DNAH2: variants seen among roughly 807,000 people sequenced by gnomAD.
DNAH2 encodes dynein axonemal heavy chain 2.
DNAH2 carries 323 observed loss-of-function variants against 523.5 expected under a neutral mutation model. That is an observed-to-expected ratio of 0.62 (90% CI 0.56 to 0.68). The LOEUF (loss-of-function observed/expected upper bound fraction) is 0.68. Among genes scored for constraint, DNAH2 ranks in the 30% least tolerant of loss-of-function variants. DNAH2 has a pLI of 0.00. For synonymous variants in DNAH2, 2,093 were observed against 2,177.4 expected, an observed-to-expected ratio of 0.96 and a Z score of 1.08; for missense variants, 4,907 against 5,701.5, an observed-to-expected ratio of 0.86 and a Z score of 4.49.
At chr17:7,792,092 C>A (rs776136331) in intron 45 of DNAH2, 23 bp downstream of exon 45, 9 of 1,611,372 alleles carry the variant, frequency 5.6e-6, no homozygotes, top group Non-Finnish European at 7.6e-6. Context: ...CCTGGCTGTC[C>A]TATTTGCCCT....
At chr17:7,776,923 A>C (rs1406491490) in intron 32 of DNAH2, 34 bp downstream of exon 32, 1 of 1,558,478 alleles carries the variant, frequency 6.4e-7, no homozygotes, top group South Asian at 1.1e-5. Context: ...CATGCTTGTA[A>C]TCCCAGCACT....
Position 7,831,334 on chromosome 17 carries a change from G to C in DNAH2, c.12459+20G>C, listed in dbSNP as rs746462450. On this transcript the variant is annotated intron_variant, in intron 80 of 85. Coordinates refer to ENST00000572933, the MANE Select transcript of DNAH2 (RefSeq NM_020877.5). This position sits in a 1 kb window ranked among gnomAD's most constrained non-coding sequence, Gnocchi z 4.2. The stretch of plus-strand genomic sequence containing the variant: ...GAGAAGGTAAAAAGAGCCGGGCCTG[G>C]GGGAGGGAAAGTGATGAGAAGAGGG... 1.6e-5 allele frequency: 26 copies of C among 1,613,844 alleles called. No individual in the cohort carries two copies. The highest frequency in any genetic ancestry group is 2.7e-5 in the African/African-American group (2 of 74,890).
chr17:7,719,998 C>A (rs906351586), intron 2 of DNAH2, 98 bp downstream of exon 2: 7 of 1,383,560 alleles, frequency 5.1e-6, no homozygotes, highest in Admixed American at 6.1e-5. Flanking sequence ...GGCGCTGTTG[C>A]TTCTGGGCAG....
At chr17:7,742,367 G>A (rs1333117205) in intron 11 of DNAH2, among the ~76,000 whole-genome samples, 1 of 152,180 alleles carries the variant, frequency 6.6e-6, no homozygotes, top group African/African-American at 2.4e-5. Context: ...GGAGGCAGAA[G>A]TTGCAGTGAG....
intron 72 of DNAH2, among the ~76,000 whole-genome samples, chr17:7,820,383 G>A (rs1021277303): frequency 6.6e-6 from 1 of 152,120 alleles, no homozygotes; most frequent in African/African-American, 2.4e-5. Flanking sequence ...TGGTTGCTTG[G>A]CCCCTGTGGC....
chr17:7,791,072 G>GTT (rs762609522), intron 44 of DNAH2, among the ~76,000 whole-genome samples: 1 of 144,658 alleles, frequency 6.9e-6, no homozygotes, highest in Admixed American at 6.9e-5. Flanking sequence ...TATGTTTTTT[G>GTT]TTTTTTTTTT....
chr17:7,732,897 C>G (rs552199343), intron 4 of DNAH2, among the ~76,000 whole-genome samples, 190 bp from the exon 5 acceptor site: 1 of 152,318 alleles, frequency 6.6e-6, no homozygotes, highest in East Asian at 1.9e-4. Flanking sequence ...ATACTCTCTG[C>G]ATTTCCTCCC....
intron 12 of DNAH2, among the ~76,000 whole-genome samples, chr17:7,748,285 G>A (rs1029976547): frequency 6.6e-6 from 1 of 152,172 alleles, no homozygotes; most frequent in South Asian, 2.1e-4. Flanking sequence ...TTTCCTGAGA[G>A]GAGGAGACGA....
intron 44 of DNAH2, 105 bp from the exon 45 acceptor site, chr17:7,791,812 G>C (rs2076905247): frequency 3.6e-6 from 4 of 1,105,254 alleles, no homozygotes; most frequent in Non-Finnish European, 5.2e-6. Context: ...TAGAGCCAGG[G>C]AAGGAGGAAG....
chr17:7,736,004 C>T (rs1410961439), intron 7 of DNAH2, among the ~76,000 whole-genome samples: 9 of 151,928 alleles, frequency 5.9e-5, no homozygotes, highest in African/African-American at 1.2e-4. Context: ...CCACCCGCCT[C>T]GGCCTCACAA....
intron 12 of DNAH2, among the ~76,000 whole-genome samples, chr17:7,753,092 G>C (rs2075734619): frequency 6.6e-6 from 1 of 152,200 alleles, no homozygotes; most frequent in South Asian, 2.1e-4. Context: ...TTGCCTTGGA[G>C]GTAGGTGTCT....
chr17:7,802,421 G>C (rs2077248006), intron 58 of DNAH2, among the ~76,000 whole-genome samples: 1 of 152,098 alleles, frequency 6.6e-6, no homozygotes, highest in African/African-American at 2.4e-5. Context: ...AGCATCCGTG[G>C]GGGATTGGTT....
chr17:7,771,190 G>A, intron 27 of DNAH2, 140 bp from the exon 28 acceptor site: 2 of 1,312,762 alleles, frequency 1.5e-6, no homozygotes, highest in East Asian at 2.3e-5. Flanking sequence ...AGCTTTCCTT[G>A]TAGAACTTGG....
At chr17:7,801,548 A>T (rs376637663) in intron 56 of DNAH2, 30 bp from the exon 57 acceptor site, 12 of 1,613,364 alleles carry the variant, frequency 7.4e-6, no homozygotes. Flanking sequence ...CTGTGCACGG[A>T]ATTTACAGCC....
At position 7,788,256 on chromosome 17, in the gene DNAH2, A is replaced by T. The variant is rs766949625; in HGVS notation, c.6900+12A>T. On this transcript the variant is annotated intron_variant, in intron 44 of 85. Coordinates refer to ENST00000572933, the MANE Select transcript of DNAH2 (RefSeq NM_020877.5). ...CGCCAGAGAATGGGGTAAGGGGAGG[A>T]CACAGACCACGGGCAGGGGCAGGGG... The T allele has an allele frequency of 6.4e-7, 1 of 1,562,310 alleles. No homozygotes were observed. Among genetic ancestry groups the T allele is most frequent in the Non-Finnish European group, 8.7e-7 (1 of 1,151,812 alleles).
At position 7,804,334 on chromosome 17, in the gene DNAH2, T is replaced by C; in HGVS notation, c.9051T>C (p.Thr3017=). 1 of 1,613,962 alleles carries C rather than the reference T, an allele frequency of 6.2e-7. No individual in the cohort carries two copies. Among genetic ancestry groups the C allele is most frequent in the Non-Finnish European group, 8.5e-7 (1 of 1,180,004 alleles). The change falls in exon 59 of 86, where the codon ACT becomes ACC. Residue 3017 remains threonine (T), a synonymous_variant. Coordinates refer to ENST00000572933, the MANE Select transcript of DNAH2 (RefSeq NM_020877.5). ...CAGGCTTGTTCAAGATCGACGAAACTAGGGAAAAGGTGCAAGTGATGTCGT... is the reference window on the plus strand; with the variant it reads ...CAGGCTTGTTCAAGATCGACGAAACCAGGGAAAAGGTGCAAGTGATGTCGT... ...LRTGLFKIDE[T]REKVQVMSLE...
chr17:7,787,917 C>T lies in DNAH2; in HGVS notation c.6661C>T (p.Arg2221Cys), dbSNP rs745381594. 3.7e-6 allele frequency: 6 copies of T among 1,614,028 alleles called. No homozygotes were observed. The highest frequency in any genetic ancestry group is 2.2e-5 in the East Asian group (1 of 44,888). The change falls in exon 43 of 86, where the codon CGC (arginine) becomes TGC (cysteine). Residue 2221 changes from arginine to cysteine, a missense_variant. By Grantham distance (180) the Arg-to-Cys change is radical. Coordinates refer to ENST00000572933, the MANE Select transcript of DNAH2 (RefSeq NM_020877.5). ...AATGGCCTCTCCGGCCACTGTATCC[C>T]GCTGCGGGATGGTCTACACTGACTA... ...LAMASPATVS[R>C]CGMVYTDYAD...
intron 63 of DNAH2, among the ~76,000 whole-genome samples, chr17:7,815,324 A>C (rs766853124): frequency 4.6e-5 from 7 of 152,240 alleles, no homozygotes; most frequent in Non-Finnish European, 7.3e-5. Context: ...CTAGTAGTGG[A>C]ACTATTTCCA....
chr17:7,824,071 A>G (rs2077948465), intron 75 of DNAH2, 50 bp from the exon 76 acceptor site: 4 of 1,567,332 alleles, frequency 2.6e-6, no homozygotes, highest in South Asian at 1.2e-5. Context: ...TCTCTCTCCC[A>G]CTTTGGTCAT....
Sources: gnomAD v4.1 joint callset for allele counts (sites outside exome capture counted in the v4.1 genomes callset) on GRCh38, gnomAD v4.1.1 for gene constraint, Gnocchi (gnomAD v3.1) non-coding constraint, MANE v1.5 for transcripts, NCBI Gene and HGNC (gene_info 2026-07-23, HGNC 2026-07-21) for gene names.